The following PCSK1 variants were observed in gnomAD, a reference collection of about 807,000 sequenced individuals.
PCSK1 encodes the protein proprotein convertase subtilisin/kexin type 1.
A neutral mutation model predicts 90.6 loss-of-function variants in PCSK1; 56 were observed. That is an observed-to-expected ratio of 0.62 (90% CI 0.50 to 0.77). PCSK1 has a LOEUF of 0.77. Ranked by LOEUF, PCSK1 falls within the 30% of genes least tolerant of loss-of-function variation. The pLI, the probability that PCSK1 is intolerant of heterozygous loss-of-function variation, is 0.00. For missense variants in PCSK1, 801 were observed against 932.6 expected (o/e 0.86, Z 1.84); for synonymous variants, 348 against 342.4 (o/e 1.02, Z -0.18).
chr5:96,400,307 T>C, intron 9 of PCSK1, 121 bp from the exon 10 acceptor site: 1 of 737,218 alleles, frequency 1.4e-6, no homozygotes, highest in Non-Finnish European at 2.5e-6. Context: ...ATTGTAGTTA[T>C]GTTATTCTAG....
chr5:96,431,190 G>A lies in PCSK1; in HGVS notation c.180+1673C>T, dbSNP rs529619094. Among the ~76,000 whole-genome samples, 4 of 152,156 alleles carry A rather than the reference G, an allele frequency of 2.6e-5. No individual in the cohort carries two copies. In the East Asian group the frequency reaches 7.7e-4, roughly 29 times the overall value. On this transcript the variant is annotated intron_variant, in intron 1 of 13. Transcript: ENST00000311106. ...CCTCTGCTACTCATACCCTCTTTGG[G>A]TCTCAAAAATTCCTAATAATTGCGT...
intron 1 of PCSK1, among the ~76,000 whole-genome samples, chr5:96,430,553 T>A (rs1190710629): frequency 1.3e-5 from 2 of 152,152 alleles, no homozygotes; most frequent in Non-Finnish European, 2.9e-5. Context: ...GTTTTTCTTC[T>A]TGTCACTACC....
rs57397343 is a variant in PCSK1, at chr5:96,412,752, G to GTTTTTTT, written c.710-269_710-263dup. Among the ~76,000 whole-genome samples, 297 of 71,760 alleles carry GTTTTTTT rather than the reference G, an allele frequency of 4.1e-3. 29 individuals are homozygous for GTTTTTTT. Among genetic ancestry groups the GTTTTTTT allele is most frequent in the African/African-American group, 0.018 (202 of 11,110 alleles). 47.1% of individuals were successfully genotyped at this position (71,760 alleles called of 152,430 possible). On this transcript the variant is annotated intron_variant, in intron 6 of 13. Coordinates refer to ENST00000311106, the MANE Select transcript of PCSK1 (RefSeq NM_000439.5). The stretch of plus-strand genomic sequence containing the variant: ...CATGCACTGTGTAGGCAGCTGTGAT[G>GTTTTTTT]TTTTTTTTTTTTTTTTTTTTTTTGG...
At chr5:96,421,786 A>C in intron 5 of PCSK1, 94 bp downstream of exon 5, 1 of 807,538 alleles carries the variant, frequency 1.2e-6, no homozygotes, top group Non-Finnish European at 2.2e-6. Context: ...TTTCCTGAGC[A>C]CTGGAATGTG....
chr5:96,431,829 A>G (rs1050112394), intron 1 of PCSK1, among the ~76,000 whole-genome samples: 2 of 152,156 alleles, frequency 1.3e-5, no homozygotes, highest in Non-Finnish European at 2.9e-5. Context: ...AAAATGTTTT[A>G]CAACTGCCTC....
chr5:96,425,597 CT>C (rs1761281252), intron 3 of PCSK1, among the ~76,000 whole-genome samples: 1 of 152,088 alleles, frequency 6.6e-6, no homozygotes. Context: ...AAAATACAAC[CT>C]ATTTTTTTCA....
intron 2 of PCSK1, among the ~76,000 whole-genome samples, chr5:96,428,869 A>G (rs1761399803): frequency 6.6e-6 from 1 of 152,162 alleles, no homozygotes; most frequent in East Asian, 1.9e-4. Flanking sequence ...ATTGTCAAAC[A>G]TTTTTATTAG....
intron 9 of PCSK1, among the ~76,000 whole-genome samples, chr5:96,400,686 TTATC>T (rs1760326326): frequency 6.6e-6 from 1 of 152,186 alleles, no homozygotes; most frequent in African/African-American, 2.4e-5. Flanking sequence ...GCCTTTTTCT[TTATC>T]TATCAAAAGC....
At chr5:96,399,382 A>G (rs1039032572) in intron 10 of PCSK1, among the ~76,000 whole-genome samples, 6 of 152,218 alleles carry the variant, frequency 3.9e-5, no homozygotes, top group African/African-American at 7.2e-5. Flanking sequence ...TTGTGTGAGC[A>G]GGTCTTCAGT....
chr5:96,418,475 T>C (rs1268531556), intron 5 of PCSK1, among the ~76,000 whole-genome samples: 1 of 152,230 alleles, frequency 6.6e-6, no homozygotes, highest in Non-Finnish European at 1.5e-5. Context: ...GCCAGCTTAA[T>C]GGTAAGCATT....
intron 6 of PCSK1, among the ~76,000 whole-genome samples, chr5:96,413,438 C>T (rs1760836895): frequency 1.3e-5 from 2 of 152,124 alleles, no homozygotes; most frequent in Non-Finnish European, 2.9e-5. Flanking sequence ...TACTATGGAG[C>T]AAAGGTAAAA....
At chr5:96,414,187 T>C (rs1015114540) in intron 6 of PCSK1, among the ~76,000 whole-genome samples, 1 of 151,910 alleles carries the variant, frequency 6.6e-6, no homozygotes, top group Admixed American at 6.6e-5. Context: ...CTGTGGAATC[T>C]TGGGCAAGCC....
chr5:96,397,872 G>A (rs1478299222), intron 11 of PCSK1, among the ~76,000 whole-genome samples: 1 of 151,972 alleles, frequency 6.6e-6, no homozygotes, highest in Non-Finnish European at 1.5e-5. Context: ...TGAAAATTTA[G>A]TAGGTGCCTG....
chr5:96,432,567 T>G (rs906085317), intron 1 of PCSK1, among the ~76,000 whole-genome samples: 1 of 152,016 alleles, frequency 6.6e-6, no homozygotes, highest in Non-Finnish European at 1.5e-5. Context: ...CGTGGAGGGA[T>G]TTTTCTTCCA....
In PCSK1 at chr5:96,416,204, G is replaced by A. The variant is rs1760934238; in HGVS notation, c.621-83C>T. The A allele has an allele frequency of 7.5e-5, 70 of 931,320 alleles. No homozygotes were observed. The South Asian group carries it at 9.2e-4, about 12-fold the overall frequency. 57.7% of individuals were successfully genotyped at this position (931,320 alleles called of 1,614,324 possible). On this transcript the variant is annotated intron_variant, in intron 5 of 13. Transcript: ENST00000311106. ...ATATGAATGAATTAATGGGGCATAG[G>A]TATATTAACTTTTTGTCGGCCTTGT...
chr5:96,416,720 C>T (rs1292849893), intron 5 of PCSK1, among the ~76,000 whole-genome samples: 2 of 152,216 alleles, frequency 1.3e-5, no homozygotes, highest in Non-Finnish European at 2.9e-5. Flanking sequence ...ATTTGCAAGA[C>T]ATTACCAGCT....
At chr5:96,414,819 T>A (rs74853237) in intron 6 of PCSK1, among the ~76,000 whole-genome samples, 4,187 of 152,282 alleles carry the variant, frequency 0.027, 156 homozygotes, top group African/African-American at 0.085. Context: ...TCATTTTTTT[T>A]AAAAATTAAC....
intron 6 of PCSK1, among the ~76,000 whole-genome samples, chr5:96,415,438 C>A (rs1379936811): frequency 6.6e-6 from 1 of 152,228 alleles, no homozygotes; most frequent in Non-Finnish European, 1.5e-5. Context: ...CCTACCACTT[C>A]TTAGCCCCTT....
Position 96,429,419 on chromosome 5 carries a change from G to C in PCSK1, c.181-102C>G. ...CTTAGAGATAGGCAACTTTTATTAA[G>C]CCCATTCCTGGTATCTGAAATTAAT... On this transcript the variant is annotated intron_variant, in intron 1 of 13. Coordinates refer to ENST00000311106, the MANE Select transcript of PCSK1 (RefSeq NM_000439.5). The C allele has an allele frequency of 5.9e-6, 4 of 676,984 alleles. No individual in the cohort carries two copies. In the South Asian group the frequency reaches 6.7e-5, roughly 11 times the overall value. The allele number at this position is 676,984 out of a possible 1,614,324, so 41.9% of individuals were successfully genotyped here. A position where few individuals can be genotyped will look rare whatever the true frequency, so the allele number is the denominator to read the frequency against.
Sources: gnomAD v4.1 joint callset for allele counts (sites outside exome capture counted in the v4.1 genomes callset) on GRCh38, gnomAD v4.1.1 for gene constraint, MANE v1.5 for transcripts, NCBI Gene and HGNC (gene_info 2026-07-23, HGNC 2026-07-21) for gene names.